Variants in SMIM36 observed in about 807,000 individuals in gnomAD.
SMIM36 encodes small integral membrane protein 36.
intron 3 of SMIM36, among the ~76,000 whole-genome samples, chr17:55,468,615 G>T (rs1184717512): frequency 6.6e-6 from 1 of 152,120 alleles, no homozygotes; most frequent in African/African-American, 2.4e-5. Flanking sequence ...CAAGTCAATT[G>T]CTGGGATGCC....
intron 3 of SMIM36, among the ~76,000 whole-genome samples, 161 bp from the exon 4 acceptor site, chr17:55,467,489 A>C (rs9908571): frequency 0.64 from 96,981 of 151,544 alleles, 31,627 homozygotes; most frequent in Middle Eastern, 0.76. Context: ...CTCCGCCTCC[A>C]AGGTTCATGC....
intron 4 of SMIM36, among the ~76,000 whole-genome samples, chr17:55,465,354 T>C (rs948414761): frequency 2.6e-5 from 4 of 152,214 alleles, no homozygotes; most frequent in Non-Finnish European, 4.4e-5. Flanking sequence ...ATAATAATAG[T>C]ATCTATTTCA....
the SMIM36 span, among the ~76,000 whole-genome samples, chr17:55,521,718 CAG>C: frequency 6.6e-6 from 1 of 152,186 alleles, no homozygotes; most frequent in African/African-American, 2.4e-5. Context: ...AAAACTTTGA[CAG>C]TGTTAATTGT....
chr17:55,477,667 G>A (rs888644800), intron 3 of SMIM36, among the ~76,000 whole-genome samples: 3 of 151,954 alleles, frequency 2.0e-5, no homozygotes, highest in Non-Finnish European at 4.4e-5. Context: ...TCAAATCTTG[G>A]CCCTACCATT....
chr17:55,514,134 T>G (rs1159412630), upstream of SMIM36, among the ~76,000 whole-genome samples: 2 of 152,190 alleles, frequency 1.3e-5, no homozygotes, highest in African/African-American at 4.8e-5. Flanking sequence ...TTATTCATAC[T>G]GGGGCTAACC....
intron 4 of SMIM36, among the ~76,000 whole-genome samples, chr17:55,466,665 T>C (rs1334443235): frequency 1.3e-5 from 2 of 152,208 alleles, no homozygotes; most frequent in Non-Finnish European, 2.9e-5. Flanking sequence ...ACAACGTTCC[T>C]GTTCCTTTCC....
intron 1 of SMIM36, among the ~76,000 whole-genome samples, chr17:55,492,387 C>G (rs1319909962): frequency 6.6e-6 from 1 of 151,090 alleles, no homozygotes; most frequent in South Asian, 2.1e-4. Context: ...GGACTACAGG[C>G]TTGCGCCACC....
intron 1 of SMIM36, among the ~76,000 whole-genome samples, chr17:55,482,430 C>T (rs1041673186): frequency 6.6e-6 from 1 of 152,188 alleles, no homozygotes; most frequent in Non-Finnish European, 1.5e-5. Flanking sequence ...ACTCATCTCT[C>T]CTTCTCCAGG....
chr17:55,522,946 G>A, the SMIM36 span, among the ~76,000 whole-genome samples: 43,325 of 151,924 alleles, frequency 0.29, 7,007 homozygotes, highest in East Asian at 0.55. Context: ...TGAATAAGCC[G>A]TTCACAAACA....
intron 1 of SMIM36, among the ~76,000 whole-genome samples, chr17:55,509,134 CT>C (rs1402813030): frequency 1.3e-5 from 2 of 152,118 alleles, no homozygotes; most frequent in Non-Finnish European, 2.9e-5. Context: ...TTTGTTACAG[CT>C]ACTTAACAAT....
At chr17:55,459,155 G>C (rs1288174166) in intron 4 of SMIM36, among the ~76,000 whole-genome samples, 1 of 152,090 alleles carries the variant, frequency 6.6e-6, no homozygotes, top group Non-Finnish European at 1.5e-5. Context: ...GAGCAGCGGG[G>C]CACTGAAGAT....
intron 1 of SMIM36, among the ~76,000 whole-genome samples, chr17:55,504,207 G>A (rs1477244039): frequency 1.1e-5 from 1 of 90,242 alleles, no homozygotes; most frequent in Non-Finnish European, 2.0e-5. Flanking sequence ...ATTGAACTCA[G>A]CTCTGCACCA....
chr17:55,508,431 A>AATATATAT (rs55879501), intron 1 of SMIM36, among the ~76,000 whole-genome samples: 1,434 of 114,030 alleles, frequency 0.013, 88 homozygotes, highest in African/African-American at 0.029. Context: ...TATTCCTAGG[A>AATATATAT]ATATATATAT....
chr17:55,459,800 C>A lies in SMIM36; in HGVS notation c.*531+7345G>T, dbSNP rs1045285877. Among the ~76,000 whole-genome samples the A allele has an allele frequency of 2.9e-4, 44 of 151,828 alleles. 2 individuals carry two copies. The highest frequency in any genetic ancestry group is 2.3e-3 in the Admixed American group (35 of 15,246). The stretch of plus-strand genomic sequence containing the variant: ...GCGCTTGAGCCCAGAAATTCGAGAC[C>A]AGCTTTGGCAGTATGGCAAGACCCT... On this transcript the variant is annotated intron_variant, in intron 4 of 4. Coordinates refer to ENST00000636752, the Ensembl canonical transcript of SMIM36.
intron 4 of SMIM36, among the ~76,000 whole-genome samples, chr17:55,453,222 C>T (rs534004591): frequency 1.3e-5 from 2 of 152,038 alleles, no homozygotes; most frequent in African/African-American, 4.8e-5. Flanking sequence ...AAGACTGAGG[C>T]GGGAAGATGG....
chr17:55,526,752 A>T, the SMIM36 span, among the ~76,000 whole-genome samples: 4 of 151,836 alleles, frequency 2.6e-5, no homozygotes, highest in Non-Finnish European at 5.9e-5. Context: ...AAATAAGCTA[A>T]TTTTTTCCCA....
chr17:55,508,561 G>T (rs1234646624), intron 1 of SMIM36, among the ~76,000 whole-genome samples: 3 of 149,344 alleles, frequency 2.0e-5, no homozygotes, highest in African/African-American at 7.4e-5. Context: ...ATATATAAAG[G>T]GTAGGTTCTT....
chr17:55,529,287 G>T, the SMIM36 span, among the ~76,000 whole-genome samples: 1 of 152,092 alleles, frequency 6.6e-6, no homozygotes, highest in Non-Finnish European at 1.5e-5. Flanking sequence ...GCCAAATTTT[G>T]CCCAACAACT....
chr17:55,528,555 C>CTTT, the SMIM36 span, among the ~76,000 whole-genome samples: 1 of 139,494 alleles, frequency 7.2e-6, no homozygotes, highest in African/African-American at 2.6e-5. Context: ...CTTTTCTTTT[C>CTTT]TTTTTTTTTT....
Sources: gnomAD v4.1 joint callset for allele counts (sites outside exome capture counted in the v4.1 genomes callset) on GRCh38, gnomAD v4.1.1 for gene constraint, MANE v1.5 for transcripts, NCBI Gene and HGNC (gene_info 2026-07-23, HGNC 2026-07-21) for gene names.